Variants in KLHL21 observed in about 807,000 individuals in gnomAD.
KLHL21 encodes the protein kelch-like protein 21.
KLHL21 carries 42 observed loss-of-function variants against 44.1 expected under a neutral mutation model. That is an observed-to-expected ratio of 0.95 (90% CI 0.74 to 1.23). The LOEUF (loss-of-function observed/expected upper bound fraction) is 1.23, where lower values mean the gene tolerates loss of function less well. KLHL21 is among the 50% of genes most tolerant of loss of function. KLHL21 has a pLI of 0.00. For synonymous variants in KLHL21, 524 were observed against 411.6 expected (o/e 1.27, Z -3.31); for missense variants, 918 against 889.1 (o/e 1.03, Z -0.41).
chr1:6,598,212 A>G (rs1457537144), intron 2 of KLHL21, among the ~76,000 whole-genome samples: 2 of 152,206 alleles, frequency 1.3e-5, no homozygotes, highest in Non-Finnish European at 2.9e-5. Flanking sequence ...ATGTGAGACG[A>G]TTGTTTGAAG....
rs1641033435 is a variant in KLHL21, at chr1:6,602,149, G to A, written c.669C>T (p.Ala223=). ...RAAHWPQLLE[A]VRLPFVRRFY... is the part of the protein sequence containing the mutation. ...AGCGGCGCACGAAGGGCAGGCGCACGGCCTCCAGCAGCTGCGGCCAGTGCG... is the reference window on the plus strand; with the variant it reads ...AGCGGCGCACGAAGGGCAGGCGCACAGCCTCCAGCAGCTGCGGCCAGTGCG... The change falls in exon 1 of 4, where the codon GCC becomes GCT. Residue 223 remains alanine (A), a synonymous_variant. Coordinates refer to ENST00000377658, the MANE Select transcript of KLHL21 (RefSeq NM_014851.4). The A allele has an allele frequency of 7.1e-7, 1 of 1,413,202 alleles. No individual in the cohort carries two copies. Among genetic ancestry groups the A allele is most frequent in the Non-Finnish European group, 9.1e-7 (1 of 1,094,036 alleles). The allele number at this position is 1,413,202 out of a possible 1,614,324, so 87.5% of individuals were successfully genotyped here. A position where few individuals can be genotyped will look rare whatever the true frequency, so the allele number is the denominator to read the frequency against.
At chr1:6,595,352 G>A (rs1315556863) in intron 3 of KLHL21, 133 bp downstream of exon 3, 2 of 804,026 alleles carry the variant, frequency 2.5e-6, no homozygotes, top group South Asian at 2.9e-5. Flanking sequence ...ATAAGGGTAA[G>A]AGCAGCCTTC....
At chr1:6,598,299 G>T (rs1640956753) in intron 2 of KLHL21, among the ~76,000 whole-genome samples, 1 of 152,202 alleles carries the variant, frequency 6.6e-6, no homozygotes, top group Admixed American at 6.5e-5. Context: ...GCCAGGTGTG[G>T]TGGCTTGTGC....
chr1:6,593,575 G>A lies in KLHL21; in HGVS notation c.1584C>T (p.Asp528=), dbSNP rs77005859. The A allele has an allele frequency of 1.7e-4, 267 of 1,613,832 alleles. 2 individuals are homozygous for A. The East Asian group carries it at 4.3e-3, about 26-fold the overall frequency. Residue 528 remains aspartate, a synonymous_variant, in exon 4 of 4, where the codon GAC becomes GAT. Coordinates refer to ENST00000377658, the MANE Select transcript of KLHL21 (RefSeq NM_014851.4). The part of the protein sequence containing the change: ...GGYDNTFELS[D]VVEAYDPETR... ...TCTCTGGGTCATAGGCCTCTACCACGTCCGAGAGTTCAAATGTATTGTCGT... is the reference window on the plus strand; with the variant it reads ...TCTCTGGGTCATAGGCCTCTACCACATCCGAGAGTTCAAATGTATTGTCGT...
intron 2 of KLHL21, among the ~76,000 whole-genome samples, chr1:6,598,798 G>A (rs375289211): frequency 3.9e-4 from 59 of 152,240 alleles, no homozygotes; most frequent in African/African-American, 1.4e-3. Context: ...CAGGAGAATG[G>A]CGTGAACCCG....
chr1:6,596,162 G>A (rs1640925296), intron 2 of KLHL21, among the ~76,000 whole-genome samples: 2 of 152,262 alleles, frequency 1.3e-5, no homozygotes, highest in Admixed American at 6.5e-5. Flanking sequence ...ACTTTGGGAG[G>A]CCGAGGCTGG....
At chr1:6,596,216 C>T (rs556604175) in intron 2 of KLHL21, among the ~76,000 whole-genome samples, 12 of 152,268 alleles carry the variant, frequency 7.9e-5, no homozygotes, top group South Asian at 4.1e-4. Context: ...CTGGCCAACA[C>T]GATGAAACCC....
Position 6,602,144 on chromosome 1 carries a change from C to A in KLHL21, c.674G>T (p.Arg225Leu). The change falls in exon 1 of 4, where the codon CGC becomes CTC. Residue 225 changes from arginine to leucine, a missense_variant. Physicochemically the swap from Arg to Leu is moderately radical, Grantham distance 102 (BLOSUM62 -2). Coordinates refer to ENST00000377658, the MANE Select transcript of KLHL21 (RefSeq NM_014851.4). ...AHWPQLLEAV[R>L]LPFVRRFYLL... ...GTAGAAGCGGCGCACGAAGGGCAGG[C>A]GCACGGCCTCCAGCAGCTGCGGCCA... 2 of 1,421,286 alleles carry A rather than the reference C, an allele frequency of 1.4e-6. No homozygotes were observed. Among genetic ancestry groups the A allele is most frequent in the Middle Eastern group, 2.4e-4 (1 of 4,150 alleles). 88.0% of individuals were successfully genotyped at this position (1,421,286 alleles called of 1,614,324 possible). A position where few individuals can be genotyped will look rare whatever the true frequency, so the allele number is the denominator to read the frequency against.
intron 2 of KLHL21, among the ~76,000 whole-genome samples, chr1:6,596,813 G>A (rs557544204): frequency 6.6e-6 from 1 of 152,324 alleles, no homozygotes; most frequent in Non-Finnish European, 1.5e-5. Context: ...CAGCCAAGGA[G>A]GCATTTTGTA....
At chr1:6,593,723 GA>G (rs1222109270) in intron 3 of KLHL21, 65 bp from the exon 4 acceptor site, 2 of 1,491,996 alleles carry the variant, frequency 1.3e-6, no homozygotes, top group Non-Finnish European at 8.9e-7. Context: ...CCCACCTGGG[GA>G]ACCACTGGAG....
intron 2 of KLHL21, among the ~76,000 whole-genome samples, chr1:6,598,289 GC>G (rs1214552824): frequency 6.6e-6 from 1 of 152,206 alleles, no homozygotes; most frequent in African/African-American, 2.4e-5. Context: ...TAAAAAATGA[GC>G]CAGGTGTGGT....
chr1:6,595,353 A>G, intron 3 of KLHL21, 132 bp downstream of exon 3: 2 of 805,834 alleles, frequency 2.5e-6, no homozygotes, highest in Non-Finnish European at 4.3e-6. Flanking sequence ...TAAGGGTAAG[A>G]GCAGCCTTCT....
chr1:6,599,792 G>GATAC, intron 1 of KLHL21: 1 of 263,974 alleles, frequency 3.8e-6, no homozygotes, highest in East Asian at 7.7e-5. Flanking sequence ...CAGTTCTCCT[G>GATAC]GGGAGCCACA....
At chr1:6,594,084 A>G (rs900349284) in intron 3 of KLHL21, 212 of 1,005,292 alleles carry the variant, frequency 2.1e-4, no homozygotes, top group Non-Finnish European at 2.4e-4. Flanking sequence ...CATCTTTCCC[A>G]AATTCGCTAT....
At chr1:6,601,675 C>A in intron 1 of KLHL21, 122 bp downstream of exon 1, 1 of 1,397,970 alleles carries the variant, frequency 7.2e-7, no homozygotes, top group Non-Finnish European at 9.4e-7. Flanking sequence ...ACCAGAGCCC[C>A]AGCTTGGACT....
At chr1:6,600,414 C>G (rs1217139378) in intron 1 of KLHL21, among the ~76,000 whole-genome samples, 2 of 152,182 alleles carry the variant, frequency 1.3e-5, no homozygotes, top group East Asian at 3.8e-4. Flanking sequence ...TACACCAGGT[C>G]TATTAGAAAC....
chr1:6,598,618 C>T (rs922612780), intron 2 of KLHL21, among the ~76,000 whole-genome samples: 7 of 150,838 alleles, frequency 4.6e-5, no homozygotes, highest in Non-Finnish European at 1.0e-4. Flanking sequence ...TGCAGTGGCT[C>T]ACGCCCGTAA....
Position 6,592,271 on chromosome 1 carries a change from A to G in KLHL21, c.*1094T>C, listed in dbSNP as rs1205597313. 6.6e-6 allele frequency: 1 copy of G among 152,264 alleles called. No individual in the cohort carries two copies. The highest frequency in any genetic ancestry group is 1.5e-5 in the Non-Finnish European group (1 of 68,048). The allele number at this position is 152,264 out of a possible 1,614,324, so 9.4% of individuals were successfully genotyped here. A position where few individuals can be genotyped will look rare whatever the true frequency, so the allele number is the denominator to read the frequency against. On this transcript the variant is annotated 3_prime_UTR_variant, in exon 4 of 4. Coordinates refer to ENST00000377658, the MANE Select transcript of KLHL21 (RefSeq NM_014851.4). ...TCTTTAACCAGGAAAATGCAGTCTAAATGCCCTCTTCTCTAAAAAGGAGGC... is the reference window on the plus strand; with the variant it reads ...TCTTTAACCAGGAAAATGCAGTCTAGATGCCCTCTTCTCTAAAAAGGAGGC...
intron 2 of KLHL21, 144 bp from the exon 3 acceptor site, chr1:6,595,701 G>A (rs775507763): frequency 1.4e-6 from 1 of 696,868 alleles, no homozygotes. Context: ...ACCCTTGCCA[G>A]GTAGGCTCCA....
Sources: gnomAD v4.1 joint callset for allele counts (sites outside exome capture counted in the v4.1 genomes callset) on GRCh38, gnomAD v4.1.1 for gene constraint, MANE v1.5 for transcripts, NCBI Gene and HGNC (gene_info 2026-07-23, HGNC 2026-07-21) for gene names.